LHPP: variants seen among roughly 807,000 people sequenced by gnomAD.
The protein encoded by LHPP is phospholysine phosphohistidine inorganic pyrophosphate phosphatase.
In LHPP, 24 loss-of-function variants were observed where a neutral mutation model predicts 30.3. That is an observed-to-expected ratio of 0.79 (90% CI 0.57 to 1.11). The LOEUF is 1.11. Among genes scored for constraint, LHPP ranks in the 50% most tolerant of loss-of-function variants. The pLI, the probability that LHPP is intolerant of heterozygous loss-of-function variation, is 0.00. For synonymous variants in LHPP, 150 were observed against 157.1 expected (o/e 0.95, Z 0.34); for missense variants, 356 against 367.2 (o/e 0.97, Z 0.25).
intron 6 of LHPP, among the ~76,000 whole-genome samples, chr10:124,589,833 G>C (rs762768451): frequency 6.6e-6 from 1 of 152,146 alleles, no homozygotes; most frequent in African/African-American, 2.4e-5. Flanking sequence ...GGCCCCCTGC[G>C]TGCAGCCCCG....
At chr10:124,535,989 G>A (rs1339288819) in intron 6 of LHPP, among the ~76,000 whole-genome samples, 1 of 152,250 alleles carries the variant, frequency 6.6e-6, no homozygotes, top group Non-Finnish European at 1.5e-5. Flanking sequence ...TCCCAGGCAG[G>A]ATTCCCCTGG....
intron 5 of LHPP, among the ~76,000 whole-genome samples, chr10:124,501,151 A>C (rs1429821090): frequency 6.6e-6 from 1 of 152,014 alleles, no homozygotes. Context: ...AGCCAAACAC[A>C]AAAGGACACA....
At chr10:124,594,380 A>T (rs1205012423) in intron 6 of LHPP, among the ~76,000 whole-genome samples, 1 of 150,088 alleles carries the variant, frequency 6.7e-6, no homozygotes, top group East Asian at 2.0e-4. Flanking sequence ...AAGGGAACTT[A>T]AAAGAAAAAA....
intron 6 of LHPP, among the ~76,000 whole-genome samples, chr10:124,602,059 C>T (rs1949030231): frequency 6.6e-6 from 1 of 152,318 alleles, no homozygotes; most frequent in East Asian, 1.9e-4. Context: ...AGTGGAGACC[C>T]CTGCCTACAG....
intron 1 of LHPP, among the ~76,000 whole-genome samples, chr10:124,473,785 T>C (rs543838231): frequency 1.1e-4 from 16 of 152,158 alleles, no homozygotes; most frequent in Middle Eastern, 3.4e-3. Context: ...AAACCCCGTC[T>C]CACTAAAAAT....
At chr10:124,542,426 G>T (rs1369042822) in intron 6 of LHPP, among the ~76,000 whole-genome samples, 1 of 152,232 alleles carries the variant, frequency 6.6e-6, no homozygotes, top group Admixed American at 6.5e-5. Flanking sequence ...CAGCCAGCAG[G>T]TGGGACTTGG....
chr10:124,528,212 C>A (rs550381191), intron 6 of LHPP, among the ~76,000 whole-genome samples: 1 of 152,176 alleles, frequency 6.6e-6, no homozygotes, highest in African/African-American at 2.4e-5. Flanking sequence ...CCTAACGGTT[C>A]CCATTTGGTC....
intron 6 of LHPP, among the ~76,000 whole-genome samples, chr10:124,598,218 G>A (rs530561677): frequency 2.0e-5 from 3 of 152,372 alleles, no homozygotes; most frequent in East Asian, 3.9e-4. Context: ...ACTGCCAGGA[G>A]TAATGTTATG....
intron 6 of LHPP, among the ~76,000 whole-genome samples, chr10:124,602,556 C>T (rs981854118): frequency 6.6e-6 from 1 of 152,208 alleles, no homozygotes; most frequent in Non-Finnish European, 1.5e-5. Context: ...TCCTGTGCCT[C>T]GGTTTACCCA....
In LHPP at chr10:124,523,362, C is replaced by T. The variant is rs564502281; in HGVS notation, c.716+6091C>T. Among the ~76,000 whole-genome samples, 8 of 152,264 alleles carry T rather than the reference C, an allele frequency of 5.3e-5. No individual in the cohort carries two copies. The highest frequency in any genetic ancestry group is 2.1e-4 in the South Asian group (1 of 4,822). The stretch of plus-strand genomic sequence containing the variant: ...AGCCGCCTTGCACAAAGCTGGAAGA[C>T]GAGGGGCTGCAGGGTGCATGGCTGT... On this transcript the variant is annotated intron_variant, in intron 6 of 6. Transcript: ENST00000368842. The surrounding 1 kb of genome is among the most constrained non-coding windows in gnomAD (Gnocchi z 4.2).
At chr10:124,604,098 C>T (rs1350009782) in intron 6 of LHPP, among the ~76,000 whole-genome samples, 3 of 152,320 alleles carry the variant, frequency 2.0e-5, no homozygotes, top group East Asian at 1.9e-4. Context: ...GGAAGGAGCT[C>T]CTGCTCGGGT....
chr10:124,543,729 T>C (rs1054497243), intron 6 of LHPP, among the ~76,000 whole-genome samples: 1 of 151,728 alleles, frequency 6.6e-6, no homozygotes, highest in Non-Finnish European at 1.5e-5. Flanking sequence ...TCCTTCTAGT[T>C]TGTACATTTT....
chr10:124,469,062 G>T (rs888675560), intron 1 of LHPP, among the ~76,000 whole-genome samples: 2 of 152,216 alleles, frequency 1.3e-5, no homozygotes, highest in African/African-American at 4.8e-5. Flanking sequence ...CTGCAGCCAC[G>T]GGGGCGAGTG....
At chr10:124,493,433 C>T (rs540042131) in intron 3 of LHPP, among the ~76,000 whole-genome samples, 10 of 152,266 alleles carry the variant, frequency 6.6e-5, no homozygotes, top group South Asian at 2.1e-4. Flanking sequence ...GCAGGAGCAG[C>T]GGGTGGAGGC....
chr10:124,587,156 C>T (rs1471097446), intron 6 of LHPP, among the ~76,000 whole-genome samples: 1 of 151,688 alleles, frequency 6.6e-6, no homozygotes. Flanking sequence ...CTCAGCCTCC[C>T]GAGTAGCTGG....
At chr10:124,594,628 C>CTTTTTT (rs60757373) in intron 6 of LHPP, among the ~76,000 whole-genome samples, 1 of 143,736 alleles carries the variant, frequency 7.0e-6, no homozygotes, top group Non-Finnish European at 1.5e-5. Flanking sequence ...ATTCAGTAAA[C>CTTTTTT]TTTTTTTTTT....
chr10:124,567,101 C>T (rs116199980), intron 6 of LHPP, among the ~76,000 whole-genome samples: 347 of 152,332 alleles, frequency 2.3e-3, no homozygotes, highest in African/African-American at 8.0e-3. Context: ...GAGGGGGCTC[C>T]CAGAACTCCA....
intron 1 of LHPP, among the ~76,000 whole-genome samples, chr10:124,482,789 C>T (rs147296699): frequency 6.6e-6 from 1 of 152,354 alleles, no homozygotes; most frequent in East Asian, 1.9e-4. Context: ...CCTACCCCAC[C>T]TTGTCACCCT....
At chr10:124,512,366 C>T (rs1193511104) in intron 5 of LHPP, among the ~76,000 whole-genome samples, 1 of 152,116 alleles carries the variant, frequency 6.6e-6, no homozygotes, top group African/African-American at 2.4e-5. Flanking sequence ...CCTGTAATTC[C>T]AGCACTTTGG....
Sources: gnomAD v4.1 joint callset for allele counts (sites outside exome capture counted in the v4.1 genomes callset) on GRCh38, gnomAD v4.1.1 for gene constraint, Gnocchi (gnomAD v3.1) non-coding constraint, MANE v1.5 for transcripts, NCBI Gene and HGNC (gene_info 2026-07-23, HGNC 2026-07-21) for gene names.